Variants in UBXN6 observed in about 807,000 individuals in gnomAD.
UBXN6 encodes the protein UBX domain-containing protein 6.
Under a neutral mutation model 51.4 loss-of-function variants are expected in UBXN6, and 44 were observed. The ratio of observed to expected loss-of-function variants is 0.86; its 90% CI spans 0.67 to 1.10. The LOEUF (loss-of-function observed/expected upper bound fraction) is 1.10. UBXN6 is among the 50% of genes least tolerant of loss of function. The probability of loss-of-function intolerance (pLI) is 0.00; values close to 1 mark genes in which losing one functional copy is unlikely to be tolerated. For synonymous variants in UBXN6, 316 were observed against 263.2 expected, an observed-to-expected ratio of 1.20 and a Z score of -1.94; for missense variants, 672 against 596.1, an observed-to-expected ratio of 1.13 and a Z score of -1.32.
At position 4,453,453 on chromosome 19, in the gene UBXN6, C is replaced by T; in HGVS notation, c.312+5G>A. On this transcript the variant is annotated splice_donor_5th_base_variant and intron_variant, in intron 3 of 10. Coordinates refer to ENST00000301281, the MANE Select transcript of UBXN6 (RefSeq NM_025241.3). ...TGGGACAGTGCCACCAGTGGCTGTT[C>T]TTACCACGTTGGTCCCTGGGGCCTC... 1 of 1,612,888 alleles carries T rather than the reference C, an allele frequency of 6.2e-7. No individual in the cohort carries two copies.
At chr19:4,446,981 C>A in intron 6 of UBXN6, 61 bp from the exon 7 acceptor site, 1 of 1,533,090 alleles carries the variant, frequency 6.5e-7, no homozygotes. Flanking sequence ...TGGCCACACC[C>A]CACCCAGTCC....
Position 4,445,200 on chromosome 19 carries a change from C to T in UBXN6, c.*298G>A. On this transcript the variant is annotated 3_prime_UTR_variant, in exon 11 of 11. Transcript: ENST00000301281. ...GCCTGCTCTCCTGCCCAGGGAGATG[C>T]CACGTGTGTCTGTCCGGCAGCTTCA... 7.9e-6 allele frequency: 3 copies of T among 378,642 alleles called. No homozygotes were observed. The highest frequency in any genetic ancestry group is 2.5e-5 in the South Asian group (1 of 40,212). 23.5% of individuals were successfully genotyped at this position (378,642 alleles called of 1,614,324 possible).
At chr19:4,453,316 A>AC in intron 3 of UBXN6, 142 bp downstream of exon 3, 1 of 923,182 alleles carries the variant, frequency 1.1e-6, no homozygotes, top group South Asian at 1.7e-5. Flanking sequence ...ACCGTGTTCC[A>AC]CCACAACCTG....
intron 4 of UBXN6, among the ~76,000 whole-genome samples, chr19:4,451,246 G>A (rs1403244116): frequency 2.6e-5 from 4 of 152,014 alleles, no homozygotes; most frequent in Non-Finnish European, 5.9e-5. Flanking sequence ...TAGTAGATAG[G>A]GGGTTTCACT....
chr19:4,451,194 T>C (rs1403459770), intron 4 of UBXN6, among the ~76,000 whole-genome samples: 3 of 152,092 alleles, frequency 2.0e-5, no homozygotes, highest in Admixed American at 2.0e-4. Flanking sequence ...GTAGCTGGGA[T>C]TACAGGCGCC....
At chr19:4,453,878 G>A in intron 2 of UBXN6, 52 bp downstream of exon 2, 2 of 1,524,004 alleles carry the variant, frequency 1.3e-6, no homozygotes, top group Non-Finnish European at 8.8e-7. Flanking sequence ...AGGCACCAGG[G>A]CCGAGAACCT....
chr19:4,452,586 A>G, intron 3 of UBXN6, 94 bp from the exon 4 acceptor site: 1 of 1,456,322 alleles, frequency 6.9e-7, no homozygotes, highest in East Asian at 2.5e-5. Flanking sequence ...CCGTAGAACC[A>G]GACATCTCCA....
intron 1 of UBXN6, chr19:4,455,357 A>C: frequency 1.2e-5 from 11 of 941,412 alleles, no homozygotes; most frequent in Non-Finnish European, 1.3e-5. Flanking sequence ...CTGCCTATCT[A>C]GTCCTCCCAC....
rs1326245262 is a variant in UBXN6, at chr19:4,447,620, A to G, written c.545T>C (p.Leu182Pro). 1 of 1,613,744 alleles carries G rather than the reference A, an allele frequency of 6.2e-7. No individual in the cohort carries two copies. The highest frequency in any genetic ancestry group is 1.3e-5 in the African/African-American group (1 of 74,912). Reference sequence around the variant, plus strand: ...CTCGGGGTGCAGGTGGATGTTGTCCAGGTACCTGGGGTAGGTGGAGAAGGT... The same window carrying G: ...CTCGGGGTGCAGGTGGATGTTGTCCGGGTACCTGGGGTAGGTGGAGAAGGT... ...KLGVDTIAKY[L>P]DNIHLHPEEE... Residue 182 changes from leucine to proline, a missense_variant, in exon 6 of 11, where the codon CTG becomes CCG. Leu to Pro is a moderately conservative substitution (Grantham distance 98). Coordinates refer to ENST00000301281, the MANE Select transcript of UBXN6 (RefSeq NM_025241.3).
Position 4,446,603 on chromosome 19 carries a change from G to A in UBXN6, c.817C>T (p.Gln273Ter), listed in dbSNP as rs1185478667. The A allele has an allele frequency of 6.2e-7, 1 of 1,612,556 alleles. No homozygotes were observed. Among genetic ancestry groups the A allele is most frequent in the Non-Finnish European group, 8.5e-7 (1 of 1,179,912 alleles). Residue 273 changes from glutamine to a stop codon, truncating the protein, a stop_gained, in exon 8 of 11, where the codon CAG becomes TAG. Transcript: ENST00000301281. LOFTEE classifies it high-confidence loss of function. ...GGCGAGGGCTGGAAGACGCGGCGCTGCCTGTCCAGCTTGGCGCGCACGGGC... is the reference window on the plus strand; with the variant it reads ...GGCGAGGGCTGGAAGACGCGGCGCTACCTGTCCAGCTTGGCGCGCACGGGC... ...AEPVRAKLDR[Q>*]RRVFQPSPLA...
Position 4,447,638 on chromosome 19 carries a change from GAGA to G in UBXN6, c.540-16_540-14del, listed in dbSNP as rs1974564447. ...GTTGTCCAGGTACCTGGGGTAGGTG[GAGA>G]AGGTGAGTGGGGCACAGCCCAGGCT... On this transcript the variant is annotated splice_polypyrimidine_tract_variant and intron_variant, in intron 5 of 10. Transcript: ENST00000301281. The G allele has an allele frequency of 1.2e-6, 2 of 1,613,824 alleles. No individual in the cohort carries two copies. The highest frequency in any genetic ancestry group is 1.7e-6 in the Non-Finnish European group (2 of 1,179,810).
At position 4,445,586 on chromosome 19, in the gene UBXN6, GC is replaced by G. The variant is rs1184070957; in HGVS notation, c.1237del (p.Ala413LeufsTer17). On this transcript the variant is annotated frameshift_variant, in exon 11 of 11. Transcript: ENST00000301281. LOFTEE classifies it high-confidence loss of function. The stretch of plus-strand genomic sequence containing the variant: ...CGCGGCCTTGATGTCCTCCAGCACA[GC>G]CATGTCCCACGAGAAGGTCAGGAGG... ...SALLTFSWDM[A>X]VLEDIKAAGA... 1.9e-6 allele frequency: 3 copies of G among 1,613,602 alleles called. No homozygotes were observed. Among genetic ancestry groups the G allele is most frequent in the African/African-American group, 2.7e-5 (2 of 74,940 alleles).
At chr19:4,453,290 G>A (rs1034491035) in intron 3 of UBXN6, among the ~76,000 whole-genome samples, 168 bp downstream of exon 3, 7 of 152,186 alleles carry the variant, frequency 4.6e-5, no homozygotes, top group South Asian at 2.1e-4. Flanking sequence ...GCCGAGCCCC[G>A]AAGGTCCCAG....
Position 4,445,348 on chromosome 19 carries a change from T to A in UBXN6, c.*150A>T. The A allele has an allele frequency of 1.5e-6, 2 of 1,364,698 alleles. No individual in the cohort carries two copies. The highest frequency in any genetic ancestry group is 2.0e-6 in the Non-Finnish European group (2 of 1,002,870). The allele number at this position is 1,364,698 out of a possible 1,614,324, so 84.5% of individuals were successfully genotyped here. On this transcript the variant is annotated 3_prime_UTR_variant, in exon 11 of 11. Transcript: ENST00000301281. ...ATGGGGGCTCTGCCACGGGGCCCAA[T>A]TCCACAGCTCCACGGCTGGCGCCCC...
At chr19:4,447,758 G>C (rs1293752408) in intron 5 of UBXN6, 133 bp from the exon 6 acceptor site, 1 of 857,708 alleles carries the variant, frequency 1.2e-6, no homozygotes, top group Admixed American at 1.9e-5. Context: ...GCCCAGTGAC[G>C]CGAGGGCAGC....
At chr19:4,453,011 G>T (rs949740226) in intron 3 of UBXN6, among the ~76,000 whole-genome samples, 2 of 152,162 alleles carry the variant, frequency 1.3e-5, no homozygotes, top group Admixed American at 6.5e-5. Flanking sequence ...GATTCCACCC[G>T]TCTCCACAGA....
rs200555890 is a variant in UBXN6, at chr19:4,445,584, C to T, written c.1240G>A (p.Val414Met). ...CCCGCGGCCTTGATGTCCTCCAGCA[C>T]AGCCATGTCCCACGAGAAGGTCAGG... ...ALLTFSWDMA[V>M]LEDIKAAGAE... The change falls in exon 11 of 11, where the codon GTG becomes ATG. Residue 414 changes from valine (V) to methionine (M), a missense_variant. Coordinates refer to ENST00000301281, the MANE Select transcript of UBXN6 (RefSeq NM_025241.3). 201 of 1,613,752 alleles carry T rather than the reference C, an allele frequency of 1.2e-4. No homozygotes were observed. The highest frequency in any genetic ancestry group is 1.5e-4 in the Non-Finnish European group (174 of 1,180,004).
At position 4,454,238 on chromosome 19, in the gene UBXN6, C is replaced by T. The variant is rs938718645; in HGVS notation, c.84-145G>A. 4.0e-5 allele frequency: 34 copies of T among 858,262 alleles called. No homozygotes were observed. In the South Asian group the frequency reaches 6.1e-4, roughly 15 times the overall value. 53.2% of individuals were successfully genotyped at this position (858,262 alleles called of 1,614,324 possible). Reference sequence around the variant, plus strand: ...CTATGTGGGCCAGGACACCTGGTTCCCAGGGGCCACCTGCAGCCACCAGAT... The same window carrying T: ...CTATGTGGGCCAGGACACCTGGTTCTCAGGGGCCACCTGCAGCCACCAGAT... On this transcript the variant is annotated intron_variant, in intron 1 of 10. Transcript: ENST00000301281.
In UBXN6 at chr19:4,445,262, T is replaced by C. The variant is rs1974480980; in HGVS notation, c.*236A>G. 1.8e-6 allele frequency: 1 copy of C among 555,982 alleles called. No individual in the cohort carries two copies. Among genetic ancestry groups the C allele is most frequent in the Non-Finnish European group, 3.1e-6 (1 of 319,734 alleles). The allele number at this position is 555,982 out of a possible 1,614,324, so 34.4% of individuals were successfully genotyped here. A position where few individuals can be genotyped will look rare whatever the true frequency, so the allele number is the denominator to read the frequency against. ...CCAAGCAGCTAGGGAGGGCTTAGATTTGTTGGTGTCCCCAGGCCTCTCCCT... is the reference window on the plus strand; with the variant it reads ...CCAAGCAGCTAGGGAGGGCTTAGATCTGTTGGTGTCCCCAGGCCTCTCCCT... On this transcript the variant is annotated 3_prime_UTR_variant, in exon 11 of 11. Coordinates refer to ENST00000301281, the MANE Select transcript of UBXN6 (RefSeq NM_025241.3).
Sources: gnomAD v4.1 joint callset for allele counts (sites outside exome capture counted in the v4.1 genomes callset) on GRCh38, gnomAD v4.1.1 for gene constraint, MANE v1.5 for transcripts, NCBI Gene and HGNC (gene_info 2026-07-23, HGNC 2026-07-21) for gene names.